CLMP: variants seen among roughly 807,000 people sequenced by gnomAD.
CLMP encodes the protein CXADR like cell adhesion molecule, also known as CXADR-like membrane protein.
A neutral mutation model predicts 45.2 loss-of-function variants in CLMP; 27 were observed. The ratio of observed to expected loss-of-function variants is 0.60; its 90% confidence interval spans 0.44 to 0.82. CLMP has a LOEUF of 0.82. Among genes scored for constraint, CLMP ranks in the 40% least tolerant of loss-of-function variants. CLMP has a pLI of 0.00. For synonymous variants in CLMP, 167 were observed against 171.4 expected, an observed-to-expected ratio of 0.97 and a Z score of 0.20; for missense variants, 403 against 448.4, an observed-to-expected ratio of 0.90 and a Z score of 0.91.
intron 1 of CLMP, among the ~76,000 whole-genome samples, chr11:123,104,128 CTTTT>C (rs1241735527): frequency 5.5e-5 from 4 of 72,366 alleles, no homozygotes; most frequent in Non-Finnish European, 7.6e-5. Context: ...CCATGCCTGG[CTTTT>C]TTTTTTTTTT....
chr11:123,120,471 T>G (rs1195632085), intron 1 of CLMP, among the ~76,000 whole-genome samples: 1 of 152,106 alleles, frequency 6.6e-6, no homozygotes, highest in Non-Finnish European at 1.5e-5. Context: ...AATCAGCAAT[T>G]CAAATACCAG....
chr11:123,132,035 A>T (rs1378803868), intron 1 of CLMP, among the ~76,000 whole-genome samples: 2 of 152,236 alleles, frequency 1.3e-5, no homozygotes, highest in African/African-American at 4.8e-5. Flanking sequence ...AATTTATCTT[A>T]GCTATTATAG....
intron 1 of CLMP, among the ~76,000 whole-genome samples, chr11:123,186,453 T>C (rs974208181): frequency 1.3e-4 from 19 of 151,570 alleles, no homozygotes; most frequent in Admixed American, 4.6e-4. Context: ...ACCTCTTGCC[T>C]AGGGCTAAAT....
At chr11:123,076,991 C>CTTTTTTTTTTTT (rs869224079) in intron 5 of CLMP, among the ~76,000 whole-genome samples, 1 of 99,674 alleles carries the variant, frequency 1.0e-5, no homozygotes, top group Non-Finnish European at 2.0e-5. Context: ...GCTATTTATT[C>CTTTTTTTTTTTT]TTTTTTTTTT....
intron 1 of CLMP, among the ~76,000 whole-genome samples, chr11:123,184,764 A>G (rs1195999801): frequency 1.3e-5 from 2 of 152,252 alleles, no homozygotes; most frequent in African/African-American, 4.8e-5. Context: ...AAAGTGAATC[A>G]GCCAACCTTC....
chr11:123,150,516 G>C (rs894425043), intron 1 of CLMP, among the ~76,000 whole-genome samples: 1 of 129,330 alleles, frequency 7.7e-6, no homozygotes, highest in Non-Finnish European at 1.6e-5. Flanking sequence ...AGGAAGGAAG[G>C]AAGGAAGGAA....
intron 1 of CLMP, among the ~76,000 whole-genome samples, chr11:123,118,292 G>T (rs1335967312): frequency 6.6e-6 from 1 of 152,082 alleles, no homozygotes; most frequent in Non-Finnish European, 1.5e-5. Context: ...ACCATGCCTG[G>T]CTAATTTTTC....
At chr11:123,088,950 G>A (rs1428484330) in intron 2 of CLMP, among the ~76,000 whole-genome samples, 3 of 152,142 alleles carry the variant, frequency 2.0e-5, no homozygotes, top group Non-Finnish European at 4.4e-5. Context: ...ATTTGGGTTA[G>A]CATCCAGAGA....
chr11:123,118,997 CTT>C (rs767025871), intron 1 of CLMP, among the ~76,000 whole-genome samples: 46 of 37,510 alleles, frequency 1.2e-3, no homozygotes, highest in East Asian at 1.5e-3. Flanking sequence ...TTCTTTCTTT[CTT>C]TCTCTCTCTC....
chr11:123,090,264 CG>C (rs1414913191), intron 2 of CLMP, among the ~76,000 whole-genome samples: 1 of 142,088 alleles, frequency 7.0e-6, no homozygotes, highest in East Asian at 2.1e-4. Context: ...GCCAACATTG[CG>C]AAACCCCCAT....
chr11:123,093,609 T>G (rs1181903454), intron 2 of CLMP, among the ~76,000 whole-genome samples: 1 of 152,076 alleles, frequency 6.6e-6, no homozygotes, highest in Non-Finnish European at 1.5e-5. Flanking sequence ...AAAGTGCTAG[T>G]ATTATACTTT....
rs1443595289 is a variant in CLMP at position 123,118,981 on chromosome 11, C to A, written c.29-21029G>T. Among the ~76,000 whole-genome samples, 66 of 50,288 alleles carry A rather than the reference C, an allele frequency of 1.3e-3. 9 individuals are homozygous for A. Among genetic ancestry groups the A allele is most frequent in the African/African-American group, 5.6e-3 (57 of 10,116 alleles). The allele number at this position is 50,288 out of a possible 152,430, so 33.0% of individuals were successfully genotyped here. Reference sequence around the variant, plus strand: ...TCTTTCTTTCTTTCTTTCTTTCTTTCTTTCTTTCTTTCTTTCTTTCTCTCT... The same window carrying A: ...TCTTTCTTTCTTTCTTTCTTTCTTTATTTCTTTCTTTCTTTCTTTCTCTCT... On this transcript the variant is annotated intron_variant, in intron 1 of 6. Transcript: ENST00000448775.
Position 123,070,003 on chromosome 11 carries a change from C to A in CLMP, c.*3471G>T, listed in dbSNP as rs144205277. ...GTTAAAACTGAAACTGAAATATAAACAGCTTAACACCAGAAGGAAGCAAAA... is the reference window on the plus strand; with the variant it reads ...GTTAAAACTGAAACTGAAATATAAAAAGCTTAACACCAGAAGGAAGCAAAA... On this transcript the variant is annotated 3_prime_UTR_variant, in exon 7 of 7. Transcript: ENST00000448775. 3 of 152,284 alleles carry A rather than the reference C, an allele frequency of 2.0e-5. No individual in the cohort carries two copies. The East Asian group carries it at 5.8e-4, about 29-fold the overall frequency. The allele number at this position is 152,284 out of a possible 1,614,324, so 9.4% of individuals were successfully genotyped here. A position where few individuals can be genotyped will look rare whatever the true frequency, so the allele number is the denominator to read the frequency against.
chr11:123,158,754 T>C (rs1177416686), intron 1 of CLMP, among the ~76,000 whole-genome samples: 1 of 152,232 alleles, frequency 6.6e-6, no homozygotes, highest in Non-Finnish European at 1.5e-5. Context: ...GATTTGTCAC[T>C]TCCTGGCTGT....
intron 1 of CLMP, among the ~76,000 whole-genome samples, chr11:123,146,510 G>A (rs923906641): frequency 1.3e-5 from 2 of 152,136 alleles, no homozygotes; most frequent in East Asian, 1.9e-4. Context: ...TGGGGAGTTA[G>A]ATGTGCAGAC....
chr11:123,160,753 G>C (rs529349291), intron 1 of CLMP, among the ~76,000 whole-genome samples: 2 of 151,990 alleles, frequency 1.3e-5, no homozygotes, highest in Non-Finnish European at 2.9e-5. Flanking sequence ...TGAGGTGGGC[G>C]GATCACCTGA....
chr11:123,088,344 G>A (rs113124280), intron 2 of CLMP, among the ~76,000 whole-genome samples: 145 of 152,222 alleles, frequency 9.5e-4, no homozygotes, highest in Non-Finnish European at 1.5e-3. Context: ...TTCAAAGACT[G>A]AAAGTAAGGG....
At chr11:123,191,165 T>C (rs1269852277) in intron 1 of CLMP, among the ~76,000 whole-genome samples, 3 of 152,210 alleles carry the variant, frequency 2.0e-5, no homozygotes, top group African/African-American at 7.2e-5. Flanking sequence ...AACGATTGAT[T>C]TAAACAGTCT....
intron 1 of CLMP, among the ~76,000 whole-genome samples, chr11:123,186,108 T>A (rs932935403): frequency 1.3e-5 from 2 of 152,168 alleles, no homozygotes; most frequent in Non-Finnish European, 2.9e-5. Context: ...GCGTCTGCTG[T>A]TTTGCTCTAT....
Sources: gnomAD v4.1 joint callset for allele counts (sites outside exome capture counted in the v4.1 genomes callset) on GRCh38, gnomAD v4.1.1 for gene constraint, MANE v1.5 for transcripts, NCBI Gene and HGNC (gene_info 2026-07-23, HGNC 2026-07-21) for gene names.